LPP: variants seen among roughly 807,000 people sequenced by gnomAD.
LPP encodes the protein LIM domain containing preferred translocation partner in lipoma.
Under a neutral mutation model 60.4 loss-of-function variants are expected in LPP, and 38 were observed. The observed-to-expected ratio is 0.63, with a 90% CI of 0.49 to 0.83. The LOEUF is 0.83. LPP is among the 40% of genes least tolerant of loss of function. The pLI, the probability that LPP is intolerant of heterozygous loss-of-function variation, is 0.00. For missense variants in LPP, 902 were observed against 783.6 expected, an observed-to-expected ratio of 1.15 and a Z score of -1.80; for synonymous variants, 328 against 290.8, an observed-to-expected ratio of 1.13 and a Z score of -1.30.
Position 188,874,698 on chromosome 3 carries a change from A to G in LPP, c.*219A>G. 2.0e-6 allele frequency: 1 copy of G among 493,588 alleles called. No individual in the cohort carries two copies. The allele number at this position is 493,588 out of a possible 1,614,324, so 30.6% of individuals were successfully genotyped here. ...AGGATCTTGATGGGCCTTTGTTCCC[A>G]AGGACTTCCACATTTTTGCACAGAT... On this transcript the variant is annotated 3_prime_UTR_variant, in exon 12 of 12. Coordinates refer to ENST00000617246, the MANE Select transcript of LPP (RefSeq NM_001375462.1).
At chr3:188,822,539 G>T (rs1406048476) in intron 9 of LPP, among the ~76,000 whole-genome samples, 1 of 152,178 alleles carries the variant, frequency 6.6e-6, no homozygotes, top group Non-Finnish European at 1.5e-5. Flanking sequence ...ATACGATTAA[G>T]TTCCACACTC....
At chr3:188,659,657 G>A (rs1055522281) in intron 7 of LPP, among the ~76,000 whole-genome samples, 3 of 152,102 alleles carry the variant, frequency 2.0e-5, no homozygotes, top group Non-Finnish European at 4.4e-5. Context: ...AACTCCCCAC[G>A]GATTGCTACA....
At chr3:188,317,792 G>GA (rs1258611592) in intron 2 of LPP, among the ~76,000 whole-genome samples, 3 of 57,110 alleles carry the variant, frequency 5.3e-5, no homozygotes, top group South Asian at 1.8e-3. Context: ...TGAATTGGGG[G>GA]GAAAAATGAA....
intron 2 of LPP, among the ~76,000 whole-genome samples, chr3:188,323,205 A>G (rs540285133): frequency 1.3e-5 from 2 of 152,340 alleles, no homozygotes; most frequent in East Asian, 3.9e-4. Context: ...GAGAGAGCAG[A>G]CATAAAAACA....
chr3:188,673,467 C>T (rs957440869), intron 7 of LPP, among the ~76,000 whole-genome samples: 3 of 152,114 alleles, frequency 2.0e-5, no homozygotes, highest in African/African-American at 7.2e-5. Context: ...ATCAATGTAG[C>T]ACTTTCTCAA....
chr3:188,361,038 G>C (rs1474439296), intron 3 of LPP, among the ~76,000 whole-genome samples: 1 of 152,110 alleles, frequency 6.6e-6, no homozygotes, highest in Non-Finnish European at 1.5e-5. Flanking sequence ...TTAATGATGA[G>C]GCATGAAAGA....
intron 8 of LPP, chr3:188,743,709 T>A (rs534737616): frequency 1.3e-5 from 2 of 152,166 alleles, no homozygotes; most frequent in South Asian, 4.1e-4. Context: ...GAAGCTTGTG[T>A]CCTACCTACA....
intron 9 of LPP, among the ~76,000 whole-genome samples, chr3:188,862,003 C>G (rs1427632737): frequency 6.6e-6 from 1 of 152,168 alleles, no homozygotes; most frequent in Admixed American, 6.5e-5. Context: ...ATTCTTCATT[C>G]AGCTTTGGCC....
rs1433602176 is a variant in LPP, at chr3:188,182,810, TATATA to T, written c.-190+28564_-190+28568del. On this transcript the variant is annotated intron_variant, in intron 1 of 11. Coordinates refer to ENST00000617246, the MANE Select transcript of LPP (RefSeq NM_001375462.1). The surrounding 1 kb of genome is among the most constrained non-coding windows in gnomAD (Gnocchi z 4.4). ...TATGTACATATACAATATATGCACA[TATATA>T]ATATATGTACATATAATATACATAC... is the stretch of plus-strand genomic sequence containing the variant. Among the ~76,000 whole-genome samples, 17 of 150,700 alleles carry T rather than the reference TATATA, an allele frequency of 1.1e-4. No homozygotes were observed. Among genetic ancestry groups the T allele is most frequent in the Non-Finnish European group, 2.2e-4 (15 of 67,772 alleles).
chr3:188,866,793 T>C (rs1309228204), intron 10 of LPP, among the ~76,000 whole-genome samples: 1 of 152,196 alleles, frequency 6.6e-6, no homozygotes, highest in Non-Finnish European at 1.5e-5. Context: ...TCAGCTGTGA[T>C]GACCCAGAGT....
intron 3 of LPP, among the ~76,000 whole-genome samples, chr3:188,361,182 G>A (rs1229913243): frequency 6.6e-6 from 1 of 152,078 alleles, no homozygotes; most frequent in African/African-American, 2.4e-5. Flanking sequence ...GAAGAGCAAT[G>A]TTGTATTTAT....
At chr3:188,691,603 A>G (rs1275692527) in intron 7 of LPP, among the ~76,000 whole-genome samples, 1 of 152,228 alleles carries the variant, frequency 6.6e-6, no homozygotes, top group African/African-American at 2.4e-5. Flanking sequence ...TGCAAGAAAC[A>G]TGTGCATTAG....
chr3:188,886,596 C>T lies in LPP; in HGVS notation c.*12117C>T, dbSNP rs145096459. The T allele has an allele frequency of 3.8e-3, 793 of 208,338 alleles. 8 individuals carry two copies. The highest frequency in any genetic ancestry group is 0.017 in the African/African-American group (749 of 43,162). The allele number at this position is 208,338 out of a possible 1,614,324, so 12.9% of individuals were successfully genotyped here. ...TTAGAAAAACATTATTTTCAAATAC[C>T]TTTATAAATCATCTAATTTATCTTC... On this transcript the variant is annotated 3_prime_UTR_variant, in exon 12 of 12. Coordinates refer to ENST00000617246, the MANE Select transcript of LPP (RefSeq NM_001375462.1).
At chr3:188,345,946 C>T (rs77649623) in intron 3 of LPP, among the ~76,000 whole-genome samples, 8,736 of 152,156 alleles carry the variant, frequency 0.057, 688 homozygotes, top group African/African-American at 0.18. Flanking sequence ...GCCTAACTTT[C>T]CTCTGAGCTG....
At chr3:188,846,339 A>G (rs1473574836) in intron 9 of LPP, among the ~76,000 whole-genome samples, 1 of 152,212 alleles carries the variant, frequency 6.6e-6, no homozygotes, top group Non-Finnish European at 1.5e-5. Flanking sequence ...AGTCAGCTAT[A>G]TAAGTGATAA....
At chr3:188,667,586 G>A (rs1856075934) in intron 7 of LPP, among the ~76,000 whole-genome samples, 1 of 151,114 alleles carries the variant, frequency 6.6e-6, no homozygotes, top group Non-Finnish European at 1.5e-5. Flanking sequence ...TCCAGATGTG[G>A]GAACTGTGGC....
At chr3:188,333,437 T>C (rs76446876) in intron 2 of LPP, among the ~76,000 whole-genome samples, 10,687 of 152,296 alleles carry the variant, frequency 0.07, 504 homozygotes, top group Non-Finnish European at 0.098. Flanking sequence ...AGGAACAGTA[T>C]CAGTTTTGCC....
At chr3:188,445,710 T>G (rs1305395479) in intron 4 of LPP, among the ~76,000 whole-genome samples, 1 of 152,116 alleles carries the variant, frequency 6.6e-6, no homozygotes, top group Non-Finnish European at 1.5e-5. Context: ...ACTCATGATG[T>G]GCCAGGCACT....
chr3:188,862,735 A>G (rs1407723384), intron 9 of LPP, among the ~76,000 whole-genome samples: 1 of 140,596 alleles, frequency 7.1e-6, no homozygotes, highest in Non-Finnish European at 1.5e-5. Flanking sequence ...AAATAAATAA[A>G]TAAAAGAAAA....
Sources: gnomAD v4.1 joint callset for allele counts (sites outside exome capture counted in the v4.1 genomes callset) on GRCh38, gnomAD v4.1.1 for gene constraint, Gnocchi (gnomAD v3.1) non-coding constraint, MANE v1.5 for transcripts, NCBI Gene and HGNC (gene_info 2026-07-23, HGNC 2026-07-21) for gene names.